Variants in GORASP2 observed in about 807,000 individuals in gnomAD.
GORASP2 encodes Golgi reassembly-stacking protein 2.
GORASP2 carries 22 observed loss-of-function variants against 45.7 expected under a neutral mutation model. The observed-to-expected ratio is 0.48, with a 90% CI of 0.34 to 0.69. GORASP2 has a LOEUF of 0.69. Among genes scored for constraint, GORASP2 ranks in the 30% least tolerant of loss-of-function variants. The probability of loss-of-function intolerance (pLI) is 0.01; values close to 1 mark genes in which losing one functional copy is unlikely to be tolerated. For synonymous variants in GORASP2, 221 were observed against 215.6 expected (o/e 1.02, Z -0.22); for missense variants, 491 against 562.7 (o/e 0.87, Z 1.29).
Position 170,965,829 on chromosome 2 carries a change from C to G in GORASP2, c.1058C>G (p.Pro353Arg). ...PLPSMPPRNL[P>R]GIAPLPLPSE... is the part of the protein sequence containing the mutation. ...CCTTCCATGCCTCCCCGAAACTTAC[C>G]TGGCATTGCACCTCTCCCCCTGCCA... The change falls in exon 10 of 10, where the codon CCT becomes CGT. Residue 353 changes from proline (P) to arginine (R), a missense_variant. Physicochemically the swap from Pro to Arg is moderately radical, Grantham distance 103. Coordinates refer to ENST00000234160, the MANE Select transcript of GORASP2 (RefSeq NM_015530.5). 2 of 1,614,048 alleles carry G rather than the reference C, an allele frequency of 1.2e-6. No homozygotes were observed. The highest frequency in any genetic ancestry group is 1.7e-6 in the Non-Finnish European group (2 of 1,180,000).
intron 5 of GORASP2, among the ~76,000 whole-genome samples, chr2:170,951,819 G>A (rs746966511): frequency 1.3e-5 from 2 of 152,190 alleles, no homozygotes; most frequent in Non-Finnish European, 2.9e-5. Flanking sequence ...AGTTGCTGCA[G>A]GCAGGAAAAG....
chr2:170,965,972 A>G lies in GORASP2; in HGVS notation c.1201A>G (p.Thr401Ala), dbSNP rs146857161. 37 of 1,613,644 alleles carry G rather than the reference A, an allele frequency of 2.3e-5. No homozygotes were observed. Among genetic ancestry groups the G allele is most frequent in the Non-Finnish European group, 1.9e-5 (23 of 1,179,894 alleles). The change falls in exon 10 of 10, where the codon ACT (threonine) becomes GCT (alanine). Residue 401 changes from threonine to alanine, a missense_variant. Physicochemically the swap from Thr to Ala is moderately conservative, Grantham distance 58 (BLOSUM62 0). Coordinates refer to ENST00000234160, the MANE Select transcript of GORASP2 (RefSeq NM_015530.5). ...SNAPSDPATT[T>A]AKADAASSLT... Reference sequence around the variant, plus strand: ...CGCACCCTCCGACCCTGCCACAACTACTGCAAAGGCAGACGCTGCCTCCTC... The same window carrying G: ...CGCACCCTCCGACCCTGCCACAACTGCTGCAAAGGCAGACGCTGCCTCCTC...
Position 170,956,433 on chromosome 2 carries a change from A to G in GORASP2, c.700-3A>G. The G allele has an allele frequency of 2.5e-6, 4 of 1,579,338 alleles. No homozygotes were observed. Among genetic ancestry groups the G allele is most frequent in the Non-Finnish European group, 3.4e-6 (4 of 1,171,060 alleles). ...TTTGTGTTTTTTTTTCTTTTTTTGG[A>G]AGGTCCAGCTGTCCTCAGTTAATCC... On this transcript the variant is annotated splice_region_variant and splice_polypyrimidine_tract_variant and intron_variant, in intron 6 of 9. Coordinates refer to ENST00000234160, the MANE Select transcript of GORASP2 (RefSeq NM_015530.5).
At chr2:170,930,026 A>G (rs1237969184) in intron 1 of GORASP2, 3 of 294,870 alleles carry the variant, frequency 1.0e-5, no homozygotes, top group Non-Finnish European at 2.1e-5. Context: ...AACCTTCTCA[A>G]GATTTCCTGG....
intron 4 of GORASP2, 136 bp downstream of exon 4, chr2:170,950,426 A>T (rs1704273595): frequency 9.7e-6 from 5 of 515,924 alleles, no homozygotes; most frequent in Non-Finnish European, 1.7e-5. Flanking sequence ...CTTAAGCCTC[A>T]GGGTGTTAAA....
At chr2:170,962,517 A>G (rs1310100565) in intron 8 of GORASP2, among the ~76,000 whole-genome samples, 5 of 152,242 alleles carry the variant, frequency 3.3e-5, no homozygotes, top group Admixed American at 6.5e-5. Flanking sequence ...ATTATCTGCC[A>G]TATCTACTGA....
chr2:170,948,444 T>G lies in GORASP2; in HGVS notation c.144+14T>G. On this transcript the variant is annotated intron_variant, in intron 2 of 9. Transcript: ENST00000234160. ...GGTTCAAGATTAGTAAGTTCAACTT[T>G]CTGTAGTTTTGTCTATAGTATTTGT... is the stretch of plus-strand genomic sequence containing the variant. 7.3e-7 allele frequency: 1 copy of G among 1,371,006 alleles called. No individual in the cohort carries two copies. Among genetic ancestry groups the G allele is most frequent in the Non-Finnish European group, 1.0e-6 (1 of 966,258 alleles). 84.9% of individuals were successfully genotyped at this position (1,371,006 alleles called of 1,614,324 possible). A position where few individuals can be genotyped will look rare whatever the true frequency, so the allele number is the denominator to read the frequency against.
At chr2:170,944,134 A>T (rs947094775) in intron 1 of GORASP2, among the ~76,000 whole-genome samples, 3 of 152,234 alleles carry the variant, frequency 2.0e-5, no homozygotes, top group Non-Finnish European at 2.9e-5. Context: ...AGGAGATCTC[A>T]TAGGGGATAG....
intron 1 of GORASP2, among the ~76,000 whole-genome samples, chr2:170,930,468 G>A (rs900098068): frequency 3.9e-5 from 6 of 152,170 alleles, no homozygotes; most frequent in Non-Finnish European, 7.3e-5. Flanking sequence ...GCACTTCCTG[G>A]TGCTACCTTC....
chr2:170,936,648 C>G (rs1310020063), intron 1 of GORASP2: 1 of 1,299,864 alleles, frequency 7.7e-7, no homozygotes, highest in South Asian at 1.2e-5. Context: ...GGCTCAAGCA[C>G]ATTGTCAGAA....
At chr2:170,951,176 A>G (rs1704291379) in intron 4 of GORASP2, 152 bp from the exon 5 acceptor site, 1 of 583,780 alleles carries the variant, frequency 1.7e-6, no homozygotes, top group Admixed American at 3.5e-5. Flanking sequence ...AATATATTGA[A>G]TTAAACCTGC....
In GORASP2 at chr2:170,965,968, A is replaced by G; in HGVS notation, c.1197A>G (p.Thr399=). The G allele has an allele frequency of 6.2e-7, 1 of 1,613,968 alleles. No homozygotes were observed. Among genetic ancestry groups the G allele is most frequent in the East Asian group, 2.2e-5 (1 of 44,842 alleles). The change falls in exon 10 of 10, where the codon ACA becomes ACG. Residue 399 remains threonine, a synonymous_variant. Transcript: ENST00000234160. The stretch of plus-strand genomic sequence containing the variant: ...GCAACGCACCCTCCGACCCTGCCAC[A>G]ACTACTGCAAAGGCAGACGCTGCCT... The part of the protein sequence containing the change: ...PTSNAPSDPA[T]TTAKADAASS...
intron 1 of GORASP2, among the ~76,000 whole-genome samples, chr2:170,947,628 G>A (rs548995880): frequency 2.0e-5 from 3 of 152,186 alleles, no homozygotes; most frequent in East Asian, 1.9e-4. Context: ...CTTGACATAC[G>A]TGACTATGTG....
At chr2:170,939,201 A>T (rs1479314155) in intron 1 of GORASP2, among the ~76,000 whole-genome samples, 2 of 152,224 alleles carry the variant, frequency 1.3e-5, no homozygotes, top group Non-Finnish European at 2.9e-5. Flanking sequence ...GAAAACTATT[A>T]TGCAATAATG....
chr2:170,956,308 C>A, intron 6 of GORASP2, 128 bp from the exon 7 acceptor site: 1 of 741,370 alleles, frequency 1.3e-6, no homozygotes. Flanking sequence ...GCAGACGTGC[C>A]AGATGAAGCT....
At chr2:170,928,567 C>CG (rs1399362366), upstream of GORASP2, 2 of 152,274 alleles carry the variant, frequency 1.3e-5, no homozygotes, top group African/African-American at 4.8e-5. Context: ...GGAGGTAGGA[C>CG]GGGGAACCGA....
intron 9 of GORASP2, among the ~76,000 whole-genome samples, chr2:170,963,473 C>CCCTCCTCCTCCTCCTCCTCCT (rs947340628): frequency 7.8e-6 from 1 of 127,588 alleles, no homozygotes; most frequent in Non-Finnish European, 1.7e-5. Flanking sequence ...CTCCTCCTCC[C>CCCTCCTCCTCCTCCTCCTCCT]CCTCCTCCTC....
At chr2:170,963,290 A>G (rs1704607713) in intron 9 of GORASP2, among the ~76,000 whole-genome samples, 1 of 150,396 alleles carries the variant, frequency 6.6e-6, no homozygotes, top group Non-Finnish European at 1.5e-5. Flanking sequence ...CAGAAGAATC[A>G]CTTGAACCCA....
intron 7 of GORASP2, among the ~76,000 whole-genome samples, chr2:170,958,683 A>G: frequency 2.7e-5 from 4 of 148,034 alleles, no homozygotes; most frequent in South Asian, 2.2e-4. Context: ...TTAAAAAAAA[A>G]AAAAACAGAC....
Sources: allele counts gnomAD v4.1 joint callset (sites outside exome capture counted in the v4.1 genomes callset), GRCh38; gene constraint gnomAD v4.1.1; transcripts MANE v1.5; gene names NCBI Gene and HGNC (gene_info 2026-07-23, HGNC 2026-07-21).